The following DNMBP variants were observed in gnomAD, a reference collection of about 807,000 sequenced individuals.
The protein encoded by DNMBP is dynamin binding protein.
A neutral mutation model predicts 150.0 loss-of-function variants in DNMBP; 87 were observed. The ratio of observed to expected loss-of-function variants is 0.58; its 90% CI spans 0.49 to 0.69. The LOEUF is 0.69. Ranked by LOEUF, DNMBP falls within the 30% of genes least tolerant of loss-of-function variation. The pLI, the probability that DNMBP is intolerant of heterozygous loss-of-function variation, is 0.00. For missense variants in DNMBP, 1,774 were observed against 1,949.0 expected (o/e 0.91, Z 1.69); for synonymous variants, 711 against 750.4 (o/e 0.95, Z 0.86).
intron 4 of DNMBP, among the ~76,000 whole-genome samples, chr10:99,948,984 A>ATAAG (rs1218803077): frequency 6.6e-6 from 1 of 150,610 alleles, no homozygotes; most frequent in African/African-American, 2.4e-5. Context: ...AAATAAATAA[A>ATAAG]TAAATAAATA....
chr10:99,885,070 T>TA (rs1175726641), intron 14 of DNMBP, among the ~76,000 whole-genome samples: 1 of 152,114 alleles, frequency 6.6e-6, no homozygotes, highest in Non-Finnish European at 1.5e-5. Flanking sequence ...TAACTCCAGG[T>TA]AAAAAAGGCA....
At chr10:99,948,971 A>AATAC (rs2040390019) in intron 4 of DNMBP, among the ~76,000 whole-genome samples, 1 of 132,092 alleles carries the variant, frequency 7.6e-6, no homozygotes, top group South Asian at 2.3e-4. Flanking sequence ...CTCAAAAATA[A>AATAC]ATAAATAAAT....
At chr10:99,931,703 G>C (rs565461274) in intron 4 of DNMBP, among the ~76,000 whole-genome samples, 11 of 152,276 alleles carry the variant, frequency 7.2e-5, no homozygotes, top group African/African-American at 2.6e-4. Context: ...ATATTAGATG[G>C]TTACCTATCA....
At chr10:99,893,712 A>G (rs1055876685) in intron 11 of DNMBP, among the ~76,000 whole-genome samples, 1 of 152,176 alleles carries the variant, frequency 6.6e-6, no homozygotes, top group Non-Finnish European at 1.5e-5. Flanking sequence ...GGCGAGAGTG[A>G]GACTCTGTCT....
In DNMBP at chr10:99,949,685, C is replaced by T. The variant is rs553473870; in HGVS notation, c.2260+5529G>A. 3.3e-5 allele frequency among the ~76,000 whole-genome samples: 5 copies of T among 152,204 alleles called. No individual in the cohort carries two copies. In the East Asian group the frequency reaches 5.8e-4, roughly 18 times the overall value. ...GGATTCAAATTTTACAAAGTCTTCC[C>T]GAAATAGACTACACCCACATTAAGT... On this transcript the variant is annotated intron_variant, in intron 4 of 16. Transcript: ENST00000324109.
chr10:99,935,756 G>A (rs955296541), intron 4 of DNMBP, among the ~76,000 whole-genome samples: 8 of 152,142 alleles, frequency 5.3e-5, no homozygotes, highest in Non-Finnish European at 1.0e-4. Context: ...TAGACACAGG[G>A]TTTCACCATG....
At chr10:99,975,189 C>T (rs976067062) in intron 1 of DNMBP, among the ~76,000 whole-genome samples, 1 of 152,026 alleles carries the variant, frequency 6.6e-6, no homozygotes, top group African/African-American at 2.4e-5. Context: ...GGAGAAACCC[C>T]GTCTCTATTA....
chr10:99,889,008 GT>G, intron 11 of DNMBP, 55 bp from the exon 12 acceptor site: 4 of 1,601,952 alleles, frequency 2.5e-6, no homozygotes, highest in Non-Finnish European at 3.4e-6. Flanking sequence ...TCCAGCTTTT[GT>G]CATACATTCC....
chr10:99,902,303 C>T (rs1269337710), intron 6 of DNMBP, among the ~76,000 whole-genome samples: 15 of 82,772 alleles, frequency 1.8e-4, no homozygotes, highest in South Asian at 5.5e-4. Context: ...AGCCTCCCTT[C>T]TTTTTTTTTT....
chr10:99,984,661 A>T (rs1176672451), intron 1 of DNMBP, among the ~76,000 whole-genome samples: 1 of 152,178 alleles, frequency 6.6e-6, no homozygotes, highest in Non-Finnish European at 1.5e-5. Flanking sequence ...TCTTTTTCTT[A>T]TCTGTTTCAA....
At chr10:99,960,633 C>A (rs1342958383) in intron 3 of DNMBP, among the ~76,000 whole-genome samples, 2 of 152,088 alleles carry the variant, frequency 1.3e-5, no homozygotes, top group Non-Finnish European at 2.9e-5. Flanking sequence ...ATGGTGAAAC[C>A]CTGTGTCTAC....
rs368357988 is a variant in DNMBP at position 99,877,012 on chromosome 10, TG to T, written c.*138del. 1.5e-6 allele frequency: 1 copy of T among 664,948 alleles called. No individual in the cohort carries two copies. 41.2% of individuals were successfully genotyped at this position (664,948 alleles called of 1,614,324 possible). A position where few individuals can be genotyped will look rare whatever the true frequency, so the allele number is the denominator to read the frequency against. On this transcript the variant is annotated 3_prime_UTR_variant, in exon 17 of 17. Transcript: ENST00000324109. ...ACCCAATCGAGGAGAACAAGATCTG[TG>T]GTGTGCTCCACCATGCCATGGTTAA...
chr10:99,898,389 A>T (rs1468384556), intron 8 of DNMBP, 104 bp from the exon 9 acceptor site: 5 of 859,538 alleles, frequency 5.8e-6, no homozygotes, highest in Non-Finnish European at 9.6e-6. Flanking sequence ...TTTTAACATA[A>T]TAATAATGTA....
At chr10:99,883,565 C>T (rs2039402186) in intron 15 of DNMBP, among the ~76,000 whole-genome samples, 1 of 143,784 alleles carries the variant, frequency 7.0e-6, no homozygotes, top group African/African-American at 2.6e-5. Context: ...ACAGGAGGAT[C>T]CCTTGAACCC....
intron 4 of DNMBP, among the ~76,000 whole-genome samples, chr10:99,948,395 ATAT>A (rs1262379312): frequency 1.3e-5 from 2 of 152,200 alleles, no homozygotes; most frequent in African/African-American, 2.4e-5. Flanking sequence ...TGAATCTCAA[ATAT>A]TATTATCCTT....
intron 5 of DNMBP, 30 bp downstream of exon 5, chr10:99,908,923 G>A: frequency 6.3e-7 from 1 of 1,593,986 alleles, no homozygotes; most frequent in South Asian, 1.1e-5. Flanking sequence ...CATATTCAAG[G>A]TCAAACTAAC....
chr10:99,965,851 T>A (rs1292045686), intron 3 of DNMBP, among the ~76,000 whole-genome samples: 1 of 152,106 alleles, frequency 6.6e-6, no homozygotes, highest in East Asian at 1.9e-4. Flanking sequence ...TCATCAACAT[T>A]TCATTTACAG....
chr10:99,994,870 T>C (rs1014103218), intron 1 of DNMBP, among the ~76,000 whole-genome samples: 1 of 152,082 alleles, frequency 6.6e-6, no homozygotes. Context: ...ACCAATCTTA[T>C]CTGCCTTTGT....
intron 4 of DNMBP, among the ~76,000 whole-genome samples, chr10:99,924,688 G>T (rs933660088): frequency 3.9e-5 from 6 of 152,184 alleles, no homozygotes; most frequent in African/African-American, 1.4e-4. Flanking sequence ...AATTAAAGGA[G>T]ATATGGGATC....
Sources: allele counts gnomAD v4.1 joint callset (sites outside exome capture counted in the v4.1 genomes callset), GRCh38; gene constraint gnomAD v4.1.1; transcripts MANE v1.5; gene names NCBI Gene and HGNC (gene_info 2026-07-23, HGNC 2026-07-21).